The following EFHC2 variants were observed in gnomAD, a reference collection of about 807,000 sequenced individuals.
EFHC2 encodes EF-hand domain containing 2.
EFHC2 carries 18 observed loss-of-function variants against 52.7 expected under a neutral mutation model. The observed-to-expected ratio is 0.34, with a 90% CI of 0.24 to 0.51. EFHC2 has a LOEUF of 0.51. Ranked by LOEUF, EFHC2 falls within the 20% of genes least tolerant of loss-of-function variation. EFHC2 has a pLI of 0.97. For synonymous variants in EFHC2, 203 were observed against 204.1 expected (o/e 0.99, Z 0.04); for missense variants, 513 against 562.5 (o/e 0.91, Z 0.89).
At chrX:44,154,989 C>A (rs181195030) in intron 14 of EFHC2, among the ~76,000 whole-genome samples, 328 of 112,031 alleles carry the variant, frequency 2.9e-3, no homozygotes, top group Middle Eastern at 9.2e-3. Flanking sequence ...AACTTCCTGG[C>A]AAACTGGATG....
At chrX:44,336,293 A>C (rs952529016) in intron 1 of EFHC2, among the ~76,000 whole-genome samples, 2 of 109,427 alleles carry the variant, frequency 1.8e-5, no homozygotes, top group Admixed American at 2.0e-4. Context: ...AGGCTGAGGC[A>C]GAAGAATAGC....
At chrX:44,160,917 G>T in intron 14 of EFHC2, among the ~76,000 whole-genome samples, 1 of 107,220 alleles carries the variant, frequency 9.3e-6, no homozygotes, top group Non-Finnish European at 1.9e-5. Context: ...GTGAGACTTC[G>T]TCTCAAAAAA....
chrX:44,272,925 T>A, intron 2 of EFHC2, 89 bp from the exon 3 acceptor site: 3 of 812,009 alleles, frequency 3.7e-6, no homozygotes, highest in Non-Finnish European at 5.1e-6. Flanking sequence ...TACTTTTTGT[T>A]AATATAAAGA....
intron 7 of EFHC2, among the ~76,000 whole-genome samples, chrX:44,244,022 A>G (rs2037380832): frequency 8.9e-6 from 1 of 111,838 alleles, no homozygotes; most frequent in African/African-American, 3.3e-5. Flanking sequence ...CTACATACCA[A>G]TCTAAGCAGT....
intron 1 of EFHC2, among the ~76,000 whole-genome samples, chrX:44,327,631 G>A (rs1285753590): frequency 1.8e-5 from 2 of 110,761 alleles, no homozygotes; most frequent in Non-Finnish European, 3.8e-5. Flanking sequence ...CTTTCATGGA[G>A]AAGAAAAAGT....
chrX:44,148,586 G>T lies in EFHC2; in HGVS notation c.*209C>A. The T allele has an allele frequency of 1.4e-5, 5 of 355,937 alleles. No homozygotes were observed. In the South Asian group the frequency reaches 2.8e-4, roughly 20 times the overall value. 29.3% of individuals were successfully genotyped at this position (355,937 alleles called of 1,213,427 possible). On this transcript the variant is annotated 3_prime_UTR_variant, in exon 15 of 15. Coordinates refer to ENST00000420999, the MANE Select transcript of EFHC2 (RefSeq NM_025184.4). The stretch of plus-strand genomic sequence containing the variant: ...AATAAAAATATTCAACATGTTTTAA[G>T]ATGGCATTTTAAATAGTAACAGTAC...
chrX:44,177,033 A>C (rs945456139), intron 12 of EFHC2, among the ~76,000 whole-genome samples: 2 of 112,364 alleles, frequency 1.8e-5, no homozygotes, highest in Non-Finnish European at 3.8e-5. Context: ...TTTTCTTTGC[A>C]ATGAGAATGT....
intron 11 of EFHC2, among the ~76,000 whole-genome samples, chrX:44,203,517 G>A (rs1174287611): frequency 3.6e-5 from 4 of 111,089 alleles, no homozygotes; most frequent in African/African-American, 1.3e-4. Flanking sequence ...AGAGTGACAT[G>A]ATAAGAAAAT....
intron 1 of EFHC2, among the ~76,000 whole-genome samples, chrX:44,336,856 GTA>G (rs1403709667): frequency 9.0e-6 from 1 of 111,723 alleles, no homozygotes; most frequent in Non-Finnish European, 1.9e-5. Flanking sequence ...AGACTGTTAT[GTA>G]CATACAGGTC....
chrX:44,312,619 A>G lies in EFHC2; in HGVS notation c.180T>C (p.Tyr60=). 1 of 1,210,125 alleles carries G rather than the reference A, an allele frequency of 8.3e-7. No individual in the cohort carries two copies. Among genetic ancestry groups the G allele is most frequent in the Non-Finnish European group, 1.1e-6 (1 of 894,772 alleles). The part of the protein sequence containing the change: ...GQKIKPKCSI[Y]PKGDGSDVPS... The stretch of plus-strand genomic sequence containing the variant: ...GTACATCACTTCCATCTCCTTTAGG[A>G]TATATGCTACATTTAGGCTTTATCT... Residue 60 remains tyrosine, a synonymous_variant, in exon 2 of 15, where the codon TAT becomes TAC. Transcript: ENST00000420999.
Position 44,148,658 on chromosome X carries a change from G to C in EFHC2, c.*137C>G. 3.9e-6 allele frequency: 2 copies of C among 519,478 alleles called. No individual in the cohort carries two copies. Among genetic ancestry groups the C allele is most frequent in the Non-Finnish European group, 6.2e-6 (2 of 321,167 alleles). The allele number at this position is 519,478 out of a possible 1,213,427, so 42.8% of individuals were successfully genotyped here. ...TCTGTAAAACTAACATGACAAAATA[G>C]GATTAATTGTGGTTTATGGATTTCC... On this transcript the variant is annotated 3_prime_UTR_variant, in exon 15 of 15. Coordinates refer to ENST00000420999, the MANE Select transcript of EFHC2 (RefSeq NM_025184.4).
intron 7 of EFHC2, among the ~76,000 whole-genome samples, chrX:44,244,070 T>C (rs1293102120): frequency 8.9e-6 from 1 of 111,940 alleles, no homozygotes; most frequent in Non-Finnish European, 1.9e-5. Flanking sequence ...CTCAAAGTAA[T>C]TAGGACTGCA....
At chrX:44,247,318 G>A (rs2037407832) in intron 7 of EFHC2, among the ~76,000 whole-genome samples, 2 of 111,873 alleles carry the variant, frequency 1.8e-5, no homozygotes, top group South Asian at 3.8e-4. Flanking sequence ...TACACAATGC[G>A]GACAACAAGA....
At chrX:44,332,857 A>C (rs1439167793) in intron 1 of EFHC2, among the ~76,000 whole-genome samples, 6 of 111,817 alleles carry the variant, frequency 5.4e-5, no homozygotes, top group Admixed American at 9.5e-5. Flanking sequence ...TGTATAAACC[A>C]TGTATCCCGA....
intron 1 of EFHC2, among the ~76,000 whole-genome samples, chrX:44,343,005 C>G (rs756933019): frequency 1.8e-5 from 2 of 110,647 alleles, no homozygotes; most frequent in Non-Finnish European, 3.8e-5. Flanking sequence ...TTATCTGCCA[C>G]CTACCCCTCT....
chrX:44,194,548 A>C (rs2036946783), intron 11 of EFHC2, among the ~76,000 whole-genome samples: 1 of 112,458 alleles, frequency 8.9e-6, no homozygotes, highest in African/African-American at 3.2e-5. Context: ...CAGTTTTCAA[A>C]GTAATGGAAG....
At chrX:44,296,358 TATG>T (rs1444498693) in intron 2 of EFHC2, among the ~76,000 whole-genome samples, 1 of 112,359 alleles carries the variant, frequency 8.9e-6, no homozygotes, top group Non-Finnish European at 1.9e-5. Context: ...ACTATTAAAA[TATG>T]ATATTTTTGA....
In EFHC2 at chrX:44,229,693, A is replaced by G. The variant is rs1390113086; in HGVS notation, c.1707T>C (p.Ala569=). 1.7e-6 allele frequency: 2 copies of G among 1,209,273 alleles called. No individual in the cohort carries two copies. The highest frequency in any genetic ancestry group is 3.5e-5 in the African/African-American group (2 of 57,092). The change falls in exon 11 of 15, where the codon GCT becomes GCC. Residue 569 remains alanine (A), a synonymous_variant. Coordinates refer to ENST00000420999, the MANE Select transcript of EFHC2 (RefSeq NM_025184.4). ...KSRELKQVFK[A]ADSKHTNMVD... is the part of the protein sequence containing the mutation. The stretch of plus-strand genomic sequence containing the variant: ...CCATATTTGTGTGCTTAGAGTCAGC[A>G]GCTTTAAATACCTGCTTGAGCTCTC...
chrX:44,269,357 C>A (rs901993346), intron 3 of EFHC2, among the ~76,000 whole-genome samples: 1 of 110,625 alleles, frequency 9.0e-6, no homozygotes, highest in African/African-American at 3.3e-5. Context: ...GGTATCATGA[C>A]TCAACCACAG....
Sources: allele counts gnomAD v4.1 joint callset (sites outside exome capture counted in the v4.1 genomes callset), GRCh38; gene constraint gnomAD v4.1.1; transcripts MANE v1.5; gene names NCBI Gene and HGNC (gene_info 2026-07-23, HGNC 2026-07-21).